GFOD1: variants seen among roughly 807,000 people sequenced by gnomAD.
GFOD1 encodes the protein Gfo/Idh/MocA-like oxidoreductase domain containing 1, also known as glucose-fructose oxidoreductase domain-containing protein 1.
A neutral mutation model predicts 25.4 loss-of-function variants in GFOD1; 9 were observed. The observed-to-expected ratio is 0.35, with a 90% CI of 0.21 to 0.62. The LOEUF (loss-of-function observed/expected upper bound fraction) is 0.62. Ranked by LOEUF, GFOD1 falls within the 20% of genes least tolerant of loss-of-function variation. The pLI, the probability that GFOD1 is intolerant of heterozygous loss-of-function variation, is 0.72. For synonymous variants in GFOD1, 253 were observed against 245.6 expected (o/e 1.03, Z -0.28); for missense variants, 403 against 556.9 (o/e 0.72, Z 2.78).
intron 1 of GFOD1, among the ~76,000 whole-genome samples, chr6:13,435,293 T>C (rs1207671772): frequency 6.6e-6 from 1 of 152,152 alleles, no homozygotes; most frequent in Non-Finnish European, 1.5e-5. Context: ...CTGAACAAGT[T>C]ACCTTTGCAC....
intron 1 of GFOD1, among the ~76,000 whole-genome samples, chr6:13,366,614 G>A (rs569836782): frequency 6.6e-5 from 10 of 152,106 alleles, no homozygotes; most frequent in Admixed American, 2.6e-4. Context: ...GATTACAGGC[G>A]TGAGCCACTG....
chr6:13,403,156 C>A (rs1388783559), intron 1 of GFOD1, among the ~76,000 whole-genome samples: 1 of 147,684 alleles, frequency 6.8e-6, no homozygotes, highest in Non-Finnish European at 1.5e-5. Context: ...GACGGAGTCT[C>A]GCTCTGTCGC....
At chr6:13,465,242 T>G (rs1047237496) in intron 1 of GFOD1, among the ~76,000 whole-genome samples, 1 of 151,520 alleles carries the variant, frequency 6.6e-6, no homozygotes, top group African/African-American at 2.4e-5. Flanking sequence ...TGCAAAAAAT[T>G]TTCATAATGT....
intron 1 of GFOD1, among the ~76,000 whole-genome samples, chr6:13,438,815 G>GT (rs1290505303): frequency 1.3e-5 from 2 of 152,142 alleles, no homozygotes; most frequent in African/African-American, 4.8e-5. Context: ...ATAAATGCCA[G>GT]TAAAAACCCC....
At chr6:13,411,216 A>G (rs1562210589) in intron 1 of GFOD1, among the ~76,000 whole-genome samples, 1 of 152,194 alleles carries the variant, frequency 6.6e-6, no homozygotes, top group African/African-American at 2.4e-5. Context: ...CCAAACCCTG[A>G]CTGAATCCAA....
Position 13,364,448 on chromosome 6 carries a change from A to G in GFOD1, c.*295T>C. 2.5e-6 allele frequency: 1 copy of G among 397,398 alleles called. No individual in the cohort carries two copies. Among genetic ancestry groups the G allele is most frequent in the Non-Finnish European group, 4.6e-6 (1 of 217,426 alleles). 24.6% of individuals were successfully genotyped at this position (397,398 alleles called of 1,614,324 possible). A position where few individuals can be genotyped will look rare whatever the true frequency, so the allele number is the denominator to read the frequency against. ...GCAACCCCTCCTTGCTTGTCACAGTAAAGGGCAGCAGAGGCAGCTAAACCA... is the reference window on the plus strand; with the variant it reads ...GCAACCCCTCCTTGCTTGTCACAGTGAAGGGCAGCAGAGGCAGCTAAACCA... On this transcript the variant is annotated 3_prime_UTR_variant, in exon 2 of 2. Coordinates refer to ENST00000379287, the MANE Select transcript of GFOD1 (RefSeq NM_018988.4). The surrounding 1 kb of genome is among the most constrained non-coding windows in gnomAD (Gnocchi z 4.1).
chr6:13,473,491 C>G (rs1283376193), intron 1 of GFOD1, among the ~76,000 whole-genome samples: 2 of 152,202 alleles, frequency 1.3e-5, no homozygotes, highest in Non-Finnish European at 1.5e-5. Context: ...CTTGACTGAC[C>G]CCAGAGCTCT....
chr6:13,435,145 C>T (rs1757813481), intron 1 of GFOD1, among the ~76,000 whole-genome samples: 1 of 152,168 alleles, frequency 6.6e-6, no homozygotes, highest in Admixed American at 6.5e-5. Context: ...CTCTATTTAC[C>T]TACCCGGGAA....
In GFOD1 at chr6:13,424,562, A is replaced by T. The variant is rs60801703; in HGVS notation, c.254-58900T>A. 9.5e-4 allele frequency among the ~76,000 whole-genome samples: 144 copies of T among 152,366 alleles called. 3 individuals are homozygous for T. The East Asian group carries it at 0.026, about 27-fold the overall frequency. On this transcript the variant is annotated intron_variant, in intron 1 of 1. Transcript: ENST00000379287. ...AAAATCAGGTTTCAAAGAAGACTCC[A>T]TACCATGTAAAGATACCCACACGCT... is the stretch of plus-strand genomic sequence containing the variant.
Position 13,359,077 on chromosome 6 carries a change from G to A in GFOD1, c.*5666C>T, listed in dbSNP as rs1784909395. The A allele has an allele frequency of 6.6e-6, 1 of 152,430 alleles. No individual in the cohort carries two copies. 9.4% of individuals were successfully genotyped at this position (152,430 alleles called of 1,614,324 possible). A position where few individuals can be genotyped will look rare whatever the true frequency, so the allele number is the denominator to read the frequency against. On this transcript the variant is annotated 3_prime_UTR_variant, in exon 2 of 2. Coordinates refer to ENST00000379287, the MANE Select transcript of GFOD1 (RefSeq NM_018988.4). ...AACACTGAGCCCATCACCTTTTAAA[G>A]AAGCGCAGGAGGTCTTGACTCTTCC...
At chr6:13,446,728 A>G (rs7763818) in intron 1 of GFOD1, among the ~76,000 whole-genome samples, 7,498 of 152,284 alleles carry the variant, frequency 0.049, 566 homozygotes, top group African/African-American at 0.17. Flanking sequence ...GGAAGCAGGG[A>G]TCCCAAGAAA....
At chr6:13,448,328 G>A (rs1210215130) in intron 1 of GFOD1, among the ~76,000 whole-genome samples, 1 of 152,172 alleles carries the variant, frequency 6.6e-6, no homozygotes, top group Non-Finnish European at 1.5e-5. Flanking sequence ...AAGTGATGGT[G>A]AGGGCTTCAG....
At chr6:13,446,989 G>A (rs1288723468) in intron 1 of GFOD1, among the ~76,000 whole-genome samples, 1 of 152,182 alleles carries the variant, frequency 6.6e-6, no homozygotes, top group East Asian at 1.9e-4. Context: ...TGTAAGGGAT[G>A]CTTTTGGAAC....
At chr6:13,419,880 A>C (rs932912430) in intron 1 of GFOD1, among the ~76,000 whole-genome samples, 35 of 151,874 alleles carry the variant, frequency 2.3e-4, no homozygotes, top group Admixed American at 2.2e-3. Context: ...TTCTCTGCCC[A>C]CCCCATGGAG....
chr6:13,370,344 C>G (rs969888490), intron 1 of GFOD1, among the ~76,000 whole-genome samples: 3 of 152,234 alleles, frequency 2.0e-5, no homozygotes, highest in Non-Finnish European at 4.4e-5. Flanking sequence ...ATGCACGGAT[C>G]CCCTCCGGTT....
chr6:13,438,263 A>G (rs1371915896), intron 1 of GFOD1, among the ~76,000 whole-genome samples: 1 of 152,224 alleles, frequency 6.6e-6, no homozygotes, highest in African/African-American at 2.4e-5. Context: ...AAAACTTAGA[A>G]TACAAAAGCT....
chr6:13,465,035 T>C (rs890923599), intron 1 of GFOD1, among the ~76,000 whole-genome samples: 2 of 152,134 alleles, frequency 1.3e-5, no homozygotes, highest in African/African-American at 4.8e-5. Flanking sequence ...CCAAATATAA[T>C]TGCTTCTTCT....
chr6:13,421,693 A>G lies in GFOD1; in HGVS notation c.254-56031T>C, dbSNP rs142440434. On this transcript the variant is annotated intron_variant, in intron 1 of 1. Coordinates refer to ENST00000379287, the MANE Select transcript of GFOD1 (RefSeq NM_018988.4). The stretch of plus-strand genomic sequence containing the variant: ...AGCCTTCCCTCCCAGAGGCAAGTGA[A>G]AAAAAAAACCTTCTGTAATTCGATC... 1.8e-3 allele frequency among the ~76,000 whole-genome samples: 279 copies of G among 151,894 alleles called. 2 individuals carry two copies. The highest frequency in any genetic ancestry group is 6.3e-3 in the African/African-American group (260 of 41,438).
At chr6:13,369,501 C>T (rs1785107766) in intron 1 of GFOD1, among the ~76,000 whole-genome samples, 1 of 151,970 alleles carries the variant, frequency 6.6e-6, no homozygotes, top group Admixed American at 6.6e-5. Flanking sequence ...AGCAAGATCC[C>T]ATTTCTTAAA....
Sources: gnomAD v4.1 joint callset for allele counts (sites outside exome capture counted in the v4.1 genomes callset) on GRCh38, gnomAD v4.1.1 for gene constraint, Gnocchi (gnomAD v3.1) non-coding constraint, MANE v1.5 for transcripts, NCBI Gene and HGNC (gene_info 2026-07-23, HGNC 2026-07-21) for gene names.